MOCS2: variants seen among roughly 807,000 people sequenced by gnomAD.
MOCS2 encodes molybdopterin synthase catalytic subunit.
A neutral mutation model predicts 21.9 loss-of-function variants in MOCS2; 13 were observed. That is an observed-to-expected ratio of 0.59 (90% confidence interval 0.39 to 0.94). The LOEUF (loss-of-function observed/expected upper bound fraction) is 0.94. MOCS2 is among the 40% of genes least tolerant of loss of function. MOCS2 has a pLI of 0.00. For missense variants in MOCS2, 227 were observed against 218.3 expected, an observed-to-expected ratio of 1.04 and a Z score of -0.25; for synonymous variants, 92 against 80.8, an observed-to-expected ratio of 1.14 and a Z score of -0.74.
At chr5:53,100,980 A>G in intron 5 of MOCS2, 1 of 331,306 alleles carries the variant, frequency 3.0e-6, no homozygotes, top group Non-Finnish European at 5.6e-6. Context: ...AGAGTATGAT[A>G]GATACAGTCT....
In MOCS2 at chr5:53,095,768, G is replaced by A. The variant is rs1263222836; in HGVS notation, c.*2834C>T. ...ACAGGTTAGGAAGACCTGTATTAAAGCAATCATTTATATCCCATAGTTAAC... is the reference window on the plus strand; with the variant it reads ...ACAGGTTAGGAAGACCTGTATTAAAACAATCATTTATATCCCATAGTTAAC... On this transcript the variant is annotated 3_prime_UTR_variant, in exon 7 of 7. Transcript: ENST00000396954. 1 of 152,128 alleles carries A rather than the reference G, an allele frequency of 6.6e-6. No individual in the cohort carries two copies. Among genetic ancestry groups the A allele is most frequent in the Non-Finnish European group, 1.5e-5 (1 of 68,016 alleles). The allele number at this position is 152,128 out of a possible 1,614,324, so 9.4% of individuals were successfully genotyped here.
At chr5:53,105,268 T>G (rs1741020051) in intron 3 of MOCS2, among the ~76,000 whole-genome samples, 1 of 151,976 alleles carries the variant, frequency 6.6e-6, no homozygotes, top group African/African-American at 2.4e-5. Flanking sequence ...TGAAAACCTC[T>G]TGAATCCTCA....
intron 6 of MOCS2, 114 bp downstream of exon 6, chr5:53,100,297 A>C: frequency 8.3e-7 from 1 of 1,207,916 alleles, no homozygotes; most frequent in Non-Finnish European, 1.2e-6. Flanking sequence ...TTCACAGATA[A>C]AGAAAACAAG....
At chr5:53,106,289 G>A (rs552402233) in intron 3 of MOCS2, among the ~76,000 whole-genome samples, 13 of 152,126 alleles carry the variant, frequency 8.5e-5, no homozygotes. Context: ...CAAAGACATG[G>A]AATCAACCTA....
chr5:53,103,408 T>G (rs1457473017), intron 3 of MOCS2, among the ~76,000 whole-genome samples: 1 of 152,086 alleles, frequency 6.6e-6, no homozygotes, highest in East Asian at 1.9e-4. Context: ...TTTTTCTTTA[T>G]CCAACAAAAA....
rs756717469 is a variant in MOCS2, at chr5:53,101,465, C to A, written c.271G>T (p.Glu91Ter). The A allele has an allele frequency of 2.0e-5, 32 of 1,611,754 alleles. No homozygotes were observed. Residue 91 changes from glutamate to a stop codon, truncating the protein, a stop_gained, in exon 5 of 7, where the codon GAA (glutamate) becomes TAA (stop). Coordinates refer to ENST00000396954, the MANE Select transcript of MOCS2 (RefSeq NM_004531.5). LOFTEE classifies it high-confidence loss of function. ...NFEGKKVISLEYEAYLPMAEN... is the reference protein window; with the variant it reads ...NFEGKKVISL ...GCCATGGGTAGATATGCTTCATATT[C>A]TAAGCTAATGACTTTTTTCCCTTCA...
Position 53,101,358 on chromosome 5 carries a change from C to T in MOCS2, c.377+1G>A, listed in dbSNP as rs1389817466. 2 of 1,613,510 alleles carry T rather than the reference C, an allele frequency of 1.2e-6. No homozygotes were observed. The highest frequency in any genetic ancestry group is 1.7e-6 in the Non-Finnish European group (2 of 1,179,772). ...TTTTAGAGTGATAAAGGAAATCATA[C>T]CCAAGTCTATGGAACACTGCTATGT... On this transcript the variant is annotated splice_donor_variant, in intron 5 of 6. Transcript: ENST00000396954. LOFTEE classifies it high-confidence loss of function.
rs1740793397 is a variant in MOCS2, at chr5:53,098,018, T to C, written c.*584A>G. Reference sequence around the variant, plus strand: ...GATTCTGAAATCCCAGAAATCTCCATAATGAGAACTATTTTAGGCAATTTA... The same window carrying C: ...GATTCTGAAATCCCAGAAATCTCCACAATGAGAACTATTTTAGGCAATTTA... On this transcript the variant is annotated 3_prime_UTR_variant, in exon 7 of 7. Transcript: ENST00000396954. 1 of 152,168 alleles carries C rather than the reference T, an allele frequency of 6.6e-6. No homozygotes were observed. The allele number at this position is 152,168 out of a possible 1,614,324, so 9.4% of individuals were successfully genotyped here.
Position 53,109,562 on chromosome 5 carries a change from G to GGGGCGGGGGCGC in MOCS2, c.-482_-481insGCGCCCCCGCCC. ...CAGGAAGGGCCCGGGGGCGGGGGCG[G>GGGGCGGGGGCGC]GGGCGCCCCCGAACCCAAGACGCCG... On this transcript the variant is annotated 5_prime_UTR_variant, in exon 1 of 7. Coordinates refer to ENST00000396954, the MANE Select transcript of MOCS2 (RefSeq NM_004531.5). The GGGGCGGGGGCGC allele has an allele frequency of 7.1e-7, 1 of 1,408,210 alleles. No homozygotes were observed. The highest frequency in any genetic ancestry group is 9.2e-7 in the Non-Finnish European group (1 of 1,081,082). The allele number at this position is 1,408,210 out of a possible 1,614,324, so 87.2% of individuals were successfully genotyped here.
In MOCS2 at chr5:53,100,413, T is replaced by G. The variant is rs776534922; in HGVS notation, c.499A>C (p.Lys167Gln). The change falls in exon 6 of 7, where the codon AAG (lysine) becomes CAG (glutamine). Residue 167 changes from lysine to glutamine, a missense_variant and splice_region_variant. Transcript: ENST00000396954. ...AATGTGTTATTTTCTTAACTTACCT[T>G]TTTCCATATGGGCACCTTGGCTTTT... is the stretch of plus-strand genomic sequence containing the variant. ...TLKAKVPIWK[K>Q]EIYEESSTWK... 9.3e-6 allele frequency: 15 copies of G among 1,613,680 alleles called. No individual in the cohort carries two copies. In the African/African-American group the frequency reaches 1.9e-4, roughly 20 times the overall value.
chr5:53,098,514 A>T lies in MOCS2; in HGVS notation c.*88T>A, dbSNP rs1313269289. ...ATAAGAGATTGTGCTTCAGTAAACTATCCTGATGTGGAGAGAAAAAAATCA... is the reference window on the plus strand; with the variant it reads ...ATAAGAGATTGTGCTTCAGTAAACTTTCCTGATGTGGAGAGAAAAAAATCA... On this transcript the variant is annotated 3_prime_UTR_variant, in exon 7 of 7. Transcript: ENST00000396954. The T allele has an allele frequency of 1.7e-5, 20 of 1,184,608 alleles. No individual in the cohort carries two copies. Among genetic ancestry groups the T allele is most frequent in the Non-Finnish European group, 2.4e-5 (19 of 791,882 alleles). The allele number at this position is 1,184,608 out of a possible 1,614,324, so 73.4% of individuals were successfully genotyped here.
chr5:53,108,191 T>C (rs1215464253), intron 2 of MOCS2: 1 of 201,624 alleles, frequency 5.0e-6, no homozygotes, highest in African/African-American at 2.4e-5. Flanking sequence ...CAGAACAAAA[T>C]GTTTAAAGCA....
At chr5:53,098,747 CAAAT>C in intron 6 of MOCS2, 80 bp from the exon 7 acceptor site, 5 of 1,004,950 alleles carry the variant, frequency 5.0e-6, no homozygotes, top group African/African-American at 1.6e-5. Flanking sequence ...ATAAATCAGA[CAAAT>C]GAATATCACA....
At chr5:53,098,826 G>T in intron 6 of MOCS2, 159 bp from the exon 7 acceptor site, 2 of 645,468 alleles carry the variant, frequency 3.1e-6, no homozygotes, top group South Asian at 1.9e-5. Flanking sequence ...GTTACATAGG[G>T]GAAGACAGAA....
intron 3 of MOCS2, among the ~76,000 whole-genome samples, chr5:53,104,435 A>C (rs553471610): frequency 6.6e-6 from 1 of 152,358 alleles, no homozygotes; most frequent in African/African-American, 2.4e-5. Flanking sequence ...CTTTTCAAAG[A>C]ACAGCTGTAA....
intron 6 of MOCS2, among the ~76,000 whole-genome samples, chr5:53,099,176 G>C (rs993279164): frequency 2.6e-5 from 4 of 152,192 alleles, no homozygotes; most frequent in African/African-American, 7.2e-5. Context: ...TCTGTAGGGA[G>C]AGGAATTCAA....
In MOCS2 at chr5:53,100,407, T is replaced by C. The variant is rs1740874146; in HGVS notation, c.501+4A>G. 3.1e-6 allele frequency: 5 copies of C among 1,613,784 alleles called. No homozygotes were observed. The African/African-American group carries it at 5.3e-5, about 17-fold the overall frequency. ...TGCTAAAATGTGTTATTTTCTTAACTTACCTTTTTCCATATGGGCACCTTG... is the reference window on the plus strand; with the variant it reads ...TGCTAAAATGTGTTATTTTCTTAACCTACCTTTTTCCATATGGGCACCTTG... On this transcript the variant is annotated splice_donor_region_variant and intron_variant, in intron 6 of 6. Coordinates refer to ENST00000396954, the MANE Select transcript of MOCS2 (RefSeq NM_004531.5).
At position 53,109,586 on chromosome 5, in the gene MOCS2, C is replaced by T. The variant is rs985108971; in HGVS notation, c.-505G>A. 11 of 1,440,496 alleles carry T rather than the reference C, an allele frequency of 7.6e-6. No homozygotes were observed. The highest frequency in any genetic ancestry group is 7.3e-5 in the African/African-American group (5 of 68,170). 89.2% of individuals were successfully genotyped at this position (1,440,496 alleles called of 1,614,324 possible). A position where few individuals can be genotyped will look rare whatever the true frequency, so the allele number is the denominator to read the frequency against. Reference sequence around the variant, plus strand: ...GGGGGCGCCCCCGAACCCAAGACGCCGGCCAGGTTGGGGGCTAGTGGGGAG... The same window carrying T: ...GGGGGCGCCCCCGAACCCAAGACGCTGGCCAGGTTGGGGGCTAGTGGGGAG... On this transcript the variant is annotated 5_prime_UTR_variant, in exon 1 of 7. Transcript: ENST00000396954.
At chr5:53,100,245 G>A (rs1740870281) in intron 6 of MOCS2, among the ~76,000 whole-genome samples, 166 bp downstream of exon 6, 1 of 152,024 alleles carries the variant, frequency 6.6e-6, no homozygotes, top group African/African-American at 2.4e-5. Flanking sequence ...ATTCTTTGGG[G>A]CACATATTTT....
Sources: allele counts gnomAD v4.1 joint callset (sites outside exome capture counted in the v4.1 genomes callset), GRCh38; gene constraint gnomAD v4.1.1; transcripts MANE v1.5; gene names NCBI Gene and HGNC (gene_info 2026-07-23, HGNC 2026-07-21).